The following RGMA variants were observed in gnomAD, a reference collection of about 807,000 sequenced individuals.
RGMA encodes repulsive guidance molecule BMP co-receptor a, also known as repulsive guidance molecule A.
RGMA carries 10 observed loss-of-function variants against 23.2 expected under a neutral mutation model. The observed-to-expected ratio is 0.43, with a 90% CI of 0.27 to 0.73. The LOEUF is 0.73. RGMA is among the 30% of genes least tolerant of loss of function. RGMA has a pLI of 0.20. For synonymous variants in RGMA, 308 were observed against 279.3 expected (o/e 1.10, Z -1.03); for missense variants, 547 against 630.5 (o/e 0.87, Z 1.42).
At chr15:93,072,861 C>G in intron 2 of RGMA, 55 bp downstream of exon 2, 2 of 1,555,270 alleles carry the variant, frequency 1.3e-6, no homozygotes. Context: ...TCTGGCCCAG[C>G]ATTGAGGGGC....
At chr15:93,073,522 C>G in intron 1 of RGMA, 1 of 1,430,492 alleles carries the variant, frequency 7.0e-7, no homozygotes, top group Non-Finnish European at 9.4e-7. Context: ...AATATCCAAT[C>G]CAAGTAGAAA....
chr15:93,066,170 C>T (rs1895142262), intron 2 of RGMA: 2 of 1,391,180 alleles, frequency 1.4e-6, no homozygotes, highest in South Asian at 1.2e-5. Flanking sequence ...GCGGCTTCTG[C>T]ACCCTTCTCT....
chr15:93,066,612 G>T, intron 2 of RGMA: 1 of 452,292 alleles, frequency 2.2e-6, no homozygotes, highest in Admixed American at 2.5e-5. Flanking sequence ...CGTCGCCGTG[G>T]GGACTGCCGT....
chr15:93,073,584 C>G, intron 1 of RGMA: 1 of 1,535,126 alleles, frequency 6.5e-7, no homozygotes, highest in Non-Finnish European at 8.7e-7. Flanking sequence ...GACTGCCGAC[C>G]CCAAGCTTCC....
chr15:93,073,714 C>T (rs1467858328), intron 1 of RGMA: 1 of 1,537,242 alleles, frequency 6.5e-7, no homozygotes, highest in South Asian at 1.2e-5. Context: ...CAGCTACTAA[C>T]GCACCTCGAG....
At chr15:93,062,848 T>G (rs1895013640) in intron 2 of RGMA, 2 of 152,538 alleles carry the variant, frequency 1.3e-5, no homozygotes. Context: ...GGAAGCTGCT[T>G]CTGCCACTCT....
Position 93,089,119 on chromosome 15 carries a change from C to G in RGMA, c.-187G>C. ...CTCCCGGGCTGCATGCCTGCGAGCG[C>G]CTGGCGGAGCCGGCCCGGGAGCGAA... On this transcript the variant is annotated 5_prime_UTR_variant, in exon 1 of 4. Coordinates refer to ENST00000329082, the MANE Select transcript of RGMA (RefSeq NM_020211.3). The G allele has an allele frequency of 2.9e-6, 1 of 348,616 alleles. No homozygotes were observed. The allele number at this position is 348,616 out of a possible 1,614,324, so 21.6% of individuals were successfully genotyped here.
intron 3 of RGMA, among the ~76,000 whole-genome samples, chr15:93,047,517 C>G (rs541646653): frequency 1.3e-5 from 2 of 152,146 alleles, no homozygotes; most frequent in Non-Finnish European, 2.9e-5. Flanking sequence ...CTCCCAGGCC[C>G]GGCAACTACC....
chr15:93,062,133 C>T (rs982748543), intron 2 of RGMA, among the ~76,000 whole-genome samples: 2 of 152,122 alleles, frequency 1.3e-5, no homozygotes, highest in Admixed American at 1.3e-4. Flanking sequence ...ATTTTGAGTG[C>T]AAGCCCCAGG....
At position 93,044,958 on chromosome 15, in the gene RGMA, C is replaced by T. The variant is rs746512036; in HGVS notation, c.*40G>A. ...GGTCCCAGCCCACACATGGGGAAGC[C>T]GAGAGGACGGAGCCCGCGCCTCCCT... On this transcript the variant is annotated 3_prime_UTR_variant, in exon 4 of 4. Transcript: ENST00000329082. 4 of 1,502,946 alleles carry T rather than the reference C, an allele frequency of 2.7e-6. No homozygotes were observed. Among genetic ancestry groups the T allele is most frequent in the East Asian group, 2.4e-5 (1 of 41,590 alleles). 93.1% of individuals were successfully genotyped at this position (1,502,946 alleles called of 1,614,324 possible).
At chr15:93,078,890 CT>C (rs1307426388) in intron 1 of RGMA, among the ~76,000 whole-genome samples, 1 of 152,216 alleles carries the variant, frequency 6.6e-6, no homozygotes, top group African/African-American at 2.4e-5. Context: ...AAGGATCCTC[CT>C]TTGTGGCTAT....
At chr15:93,049,049 G>A (rs1372963070) in intron 3 of RGMA, among the ~76,000 whole-genome samples, 3 of 152,228 alleles carry the variant, frequency 2.0e-5, no homozygotes, top group Non-Finnish European at 4.4e-5. Context: ...CCGGTGCCAG[G>A]GACTCAACCG....
rs750788863 is a variant in RGMA, at chr15:93,045,435, C to T, written c.916G>A (p.Asp306Asn). 1.9e-6 allele frequency: 3 copies of T among 1,613,086 alleles called. No individual in the cohort carries two copies. In the South Asian group the frequency reaches 3.3e-5, roughly 18 times the overall value. ...MPEEVVNAVE[D>N]WDSQGLYLCL... ...AGGTAGAGACCCTGGCTGTCCCAGT[C>T]CTCCACAGCATTGACCACTTCCTCT... Residue 306 changes from aspartate to asparagine, a missense_variant, in exon 4 of 4, where the codon GAC (aspartate) becomes AAC (asparagine). By Grantham distance (23) the Asp-to-Asn change is conservative. This residue lies in a region of RGMA where 205 missense variants were observed against 204.1 expected (regional missense o/e 1.00). Transcript: ENST00000329082. The surrounding 1 kb of genome is among the most constrained non-coding windows in gnomAD (Gnocchi z 6.9).
chr15:93,080,170 T>C (rs1375937075), intron 1 of RGMA, among the ~76,000 whole-genome samples: 1 of 152,196 alleles, frequency 6.6e-6, no homozygotes, highest in African/African-American at 2.4e-5. Flanking sequence ...TTGCCAAGTA[T>C]TGGATTTTAT....
rs1189018307 is a variant in RGMA, at chr15:93,045,936, G to A, written c.646-231C>T. Among the ~76,000 whole-genome samples, 1 of 152,182 alleles carries A rather than the reference G, an allele frequency of 6.6e-6. No individual in the cohort carries two copies. The highest frequency in any genetic ancestry group is 2.4e-5 in the African/African-American group (1 of 41,452). On this transcript the variant is annotated intron_variant, in intron 3 of 3. Transcript: ENST00000329082. This position sits in a 1 kb window ranked among gnomAD's most constrained non-coding sequence, Gnocchi z 6.9. The stretch of plus-strand genomic sequence containing the variant: ...ACTTTAAAAAGTGACTTAGAAAAAT[G>A]TTAGACCACTACCCTAAGTAGAAAA...
Position 93,040,711 on chromosome 15 carries a change from A to G in RGMA, c.*4287T>C. Reference sequence around the variant, plus strand: ...TGTCTTTCCAATAAGAATGCACAGCAGTCTGTCTGGGTCATTGCGGTAGCC... The same window carrying G: ...TGTCTTTCCAATAAGAATGCACAGCGGTCTGTCTGGGTCATTGCGGTAGCC... On this transcript the variant is annotated 3_prime_UTR_variant, in exon 4 of 4. Coordinates refer to ENST00000329082, the MANE Select transcript of RGMA (RefSeq NM_020211.3). 1 of 152,362 alleles carries G rather than the reference A, an allele frequency of 6.6e-6. No individual in the cohort carries two copies. The highest frequency in any genetic ancestry group is 1.5e-5 in the Non-Finnish European group (1 of 68,190). The allele number at this position is 152,362 out of a possible 1,614,324, so 9.4% of individuals were successfully genotyped here.
intron 3 of RGMA, among the ~76,000 whole-genome samples, chr15:93,048,377 TGGC>T (rs1183916869): frequency 6.6e-6 from 1 of 152,052 alleles, no homozygotes; most frequent in Non-Finnish European, 1.5e-5. Context: ...TTACAAGAAA[TGGC>T]GGTCTTCTCA....
chr15:93,081,198 G>A (rs1895554046), intron 1 of RGMA, among the ~76,000 whole-genome samples: 1 of 152,048 alleles, frequency 6.6e-6, no homozygotes, highest in South Asian at 2.1e-4. Context: ...GGCTGCCCCA[G>A]GAGATCTCCA....
chr15:93,044,993 C>A lies in RGMA; in HGVS notation c.*5G>T. 6.3e-7 allele frequency: 1 copy of A among 1,593,504 alleles called. No individual in the cohort carries two copies. The highest frequency in any genetic ancestry group is 8.5e-7 in the Non-Finnish European group (1 of 1,169,996). On this transcript the variant is annotated 3_prime_UTR_variant, in exon 4 of 4. Coordinates refer to ENST00000329082, the MANE Select transcript of RGMA (RefSeq NM_020211.3). ...GAGCCCGCGCCTCCCTCCACATCTA[C>A]GCGTCTAGCAGAACACAGGGAGCAG...
Sources: allele counts gnomAD v4.1 joint callset (sites outside exome capture counted in the v4.1 genomes callset), GRCh38; gene constraint gnomAD v4.1.1; regional missense constraint gnomAD v4.1.1; non-coding constraint Gnocchi (gnomAD v3.1); transcripts MANE v1.5; gene names NCBI Gene and HGNC (gene_info 2026-07-23, HGNC 2026-07-21).